The following EPHA5 variants were observed in gnomAD, a reference collection of about 807,000 sequenced individuals.
The protein encoded by EPHA5 is ephrin type-A receptor 5.
A neutral mutation model predicts 105.0 loss-of-function variants in EPHA5; 60 were observed. The observed-to-expected ratio is 0.57, with a 90% confidence interval of 0.46 to 0.71. The LOEUF (loss-of-function observed/expected upper bound fraction) is 0.71, where lower values mean the gene tolerates loss of function less well. Among genes scored for constraint, EPHA5 ranks in the 30% least tolerant of loss-of-function variants. The probability of loss-of-function intolerance (pLI) is 0.00; values close to 1 mark genes in which losing one functional copy is unlikely to be tolerated. For synonymous variants in EPHA5, 513 were observed against 449.1 expected (o/e 1.14, Z -1.80); for missense variants, 1,218 against 1,274.7 (o/e 0.96, Z 0.68).
intron 3 of EPHA5, chr4:65,574,056 A>G (rs536397867): frequency 1.5e-4 from 241 of 1,600,422 alleles, no homozygotes; most frequent in African/African-American, 9.8e-4. Flanking sequence ...TGCCACCTCA[A>G]CCAAAATCGA....
At chr4:65,574,699 C>CACATATATATACAT (rs1553942808) in intron 3 of EPHA5, among the ~76,000 whole-genome samples, 1 of 77,916 alleles carries the variant, frequency 1.3e-5, no homozygotes, top group African/African-American at 4.6e-5. Flanking sequence ...CATATATATA[C>CACATATATATACAT]ATATATATAC....
chr4:65,329,379 C>T lies in EPHA5; in HGVS notation c.2945+2594G>A, dbSNP rs976989502. Among the ~76,000 whole-genome samples the T allele has an allele frequency of 5.9e-5, 9 of 151,348 alleles. No homozygotes were observed. In the East Asian group the frequency reaches 1.8e-3, roughly 29 times the overall value. On this transcript the variant is annotated intron_variant, in intron 16 of 16. Coordinates refer to ENST00000613740, the MANE Select transcript of EPHA5 (RefSeq NM_001281766.3). ...TAGCTATACATGCACGTACTGGCAACAATCCATATACAAGTGAAGTTAAAC... is the reference window on the plus strand; with the variant it reads ...TAGCTATACATGCACGTACTGGCAATAATCCATATACAAGTGAAGTTAAAC...
At chr4:65,585,049 C>T (rs942519083) in intron 3 of EPHA5, among the ~76,000 whole-genome samples, 3 of 151,482 alleles carry the variant, frequency 2.0e-5, no homozygotes, top group East Asian at 1.9e-4. Context: ...TACTTACCAA[C>T]GTGTTATCTT....
chr4:65,388,086 T>A (rs1577985596), intron 8 of EPHA5, among the ~76,000 whole-genome samples: 4 of 150,464 alleles, frequency 2.7e-5, no homozygotes, highest in Admixed American at 2.7e-4. Flanking sequence ...TTTGTCCTTG[T>A]GATAGTTTGC....
intron 1 of EPHA5, among the ~76,000 whole-genome samples, chr4:65,666,497 G>A (rs183507456): frequency 2.9e-4 from 44 of 152,246 alleles, no homozygotes; most frequent in African/African-American, 1.0e-3. Context: ...TCATAGCAGT[G>A]GACATGAACC....
intron 5 of EPHA5, among the ~76,000 whole-genome samples, chr4:65,449,668 T>C (rs541429774): frequency 6.6e-6 from 1 of 152,270 alleles, no homozygotes; most frequent in South Asian, 2.1e-4. Flanking sequence ...ACTCGTGAAG[T>C]TGACCTTTGC....
chr4:65,343,397 G>T lies in EPHA5; in HGVS notation c.2595+4657C>A, dbSNP rs550420105. Among the ~76,000 whole-genome samples the T allele has an allele frequency of 2.5e-4, 38 of 152,228 alleles. No individual in the cohort carries two copies. In the South Asian group the frequency reaches 6.2e-3, roughly 25 times the overall value. Reference sequence around the variant, plus strand: ...CCCAGGACTCCTACTGCTGCATTTTGTCCTCCTGACACAGAGGAAGATCTC... The same window carrying T: ...CCCAGGACTCCTACTGCTGCATTTTTTCCTCCTGACACAGAGGAAGATCTC... On this transcript the variant is annotated intron_variant, in intron 14 of 16. Coordinates refer to ENST00000613740, the MANE Select transcript of EPHA5 (RefSeq NM_001281766.3).
At chr4:65,613,409 A>T (rs1028919506) in intron 2 of EPHA5, among the ~76,000 whole-genome samples, 1 of 152,012 alleles carries the variant, frequency 6.6e-6, no homozygotes, top group African/African-American at 2.4e-5. Context: ...ATTCTGTGAA[A>T]AATAGTGTTG....
At chr4:65,402,985 G>A (rs17086187) in intron 8 of EPHA5, among the ~76,000 whole-genome samples, 169 of 150,776 alleles carry the variant, frequency 1.1e-3, no homozygotes, top group African/African-American at 4.0e-3. Flanking sequence ...GGCTGGGATG[G>A]GCTTAATTGT....
Position 65,670,020 on chromosome 4 carries a change from G to T in EPHA5, c.-278C>A, listed in dbSNP as rs1229040249. The T allele has an allele frequency of 2.5e-6, 1 of 402,384 alleles. No individual in the cohort carries two copies. Among genetic ancestry groups the T allele is most frequent in the Non-Finnish European group, 4.3e-6 (1 of 233,972 alleles). 24.9% of individuals were successfully genotyped at this position (402,384 alleles called of 1,614,324 possible). On this transcript the variant is annotated 5_prime_UTR_variant, in exon 1 of 17. Transcript: ENST00000613740. Reference sequence around the variant, plus strand: ...GGACTCGGATCAAGGGTGTCGAGAGGGTCCTGGGTCCTGTTCCTTTGCCTT... The same window carrying T: ...GGACTCGGATCAAGGGTGTCGAGAGTGTCCTGGGTCCTGTTCCTTTGCCTT...
Position 65,348,659 on chromosome 4 carries a change from G to GGTATAT in EPHA5, c.2446-457_2446-456insATATAC, listed in dbSNP as rs1311162748. Among the ~76,000 whole-genome samples the GGTATAT allele has an allele frequency of 5.6e-4, 34 of 60,198 alleles. 2 individuals are homozygous for GGTATAT. The highest frequency in any genetic ancestry group is 7.3e-4 in the Non-Finnish European group (22 of 30,142). The allele number at this position is 60,198 out of a possible 152,430, so 39.5% of individuals were successfully genotyped here. A position where few individuals can be genotyped will look rare whatever the true frequency, so the allele number is the denominator to read the frequency against. ...TAATAAGAAAAGCATAAACATTGGAGATATATATATATATATATATATATA... is the reference window on the plus strand; with the variant it reads ...TAATAAGAAAAGCATAAACATTGGAGGTATATATATATATATATATATATATATATA... On this transcript the variant is annotated intron_variant, in intron 13 of 16. Coordinates refer to ENST00000613740, the MANE Select transcript of EPHA5 (RefSeq NM_001281766.3).
intron 3 of EPHA5, among the ~76,000 whole-genome samples, chr4:65,512,465 T>G (rs1016669688): frequency 6.6e-6 from 1 of 152,066 alleles, no homozygotes; most frequent in Non-Finnish European, 1.5e-5. Context: ...GTTGCATCCT[T>G]CATGAATGGT....
chr4:65,459,468 C>T (rs919707230), intron 5 of EPHA5, among the ~76,000 whole-genome samples: 2 of 151,726 alleles, frequency 1.3e-5, no homozygotes, highest in Admixed American at 6.6e-5. Context: ...TAAATACTTT[C>T]ATTTACTATT....
chr4:65,339,842 G>A (rs1721537666), intron 14 of EPHA5, among the ~76,000 whole-genome samples: 1 of 152,018 alleles, frequency 6.6e-6, no homozygotes, highest in African/African-American at 2.4e-5. Flanking sequence ...TTAATCTAAA[G>A]GGCATTGTAT....
chr4:65,441,703 A>G (rs543575676), intron 5 of EPHA5, among the ~76,000 whole-genome samples: 2 of 152,260 alleles, frequency 1.3e-5, no homozygotes, highest in African/African-American at 2.4e-5. Context: ...TAAAAGAACT[A>G]CTGACTCGCA....
chr4:65,415,146 A>C (rs1378187487), intron 6 of EPHA5, among the ~76,000 whole-genome samples: 1 of 152,164 alleles, frequency 6.6e-6, no homozygotes, highest in African/African-American at 2.4e-5. Context: ...GATGCCAACA[A>C]AAGTTTAGAC....
chr4:65,461,841 A>C (rs898047078), intron 5 of EPHA5, among the ~76,000 whole-genome samples: 10 of 152,034 alleles, frequency 6.6e-5, no homozygotes, highest in Non-Finnish European at 1.3e-4. Context: ...TGAAATATAA[A>C]AAGGAGAAAA....
rs762605425 is a variant in EPHA5, at chr4:65,669,583, G to A, written c.160C>T (p.Leu54=). Residue 54 remains leucine, a synonymous_variant, in exon 1 of 17, where the codon CTG becomes TTG. Coordinates refer to ENST00000613740, the MANE Select transcript of EPHA5 (RefSeq NM_001281766.3). ...LLLCAALRTL[L]ASPSNEVNLL... Reference sequence around the variant, plus strand: ...CTACCTTCGTTGCTGGGGCTGGCCAGGAGGGTCCGGAGTGCGGCGCACAGG... The same window carrying A: ...CTACCTTCGTTGCTGGGGCTGGCCAAGAGGGTCCGGAGTGCGGCGCACAGG... The A allele has an allele frequency of 6.3e-6, 9 of 1,428,466 alleles. No homozygotes were observed. Among genetic ancestry groups the A allele is most frequent in the South Asian group, 1.6e-5 (1 of 60,644 alleles). The allele number at this position is 1,428,466 out of a possible 1,614,324, so 88.5% of individuals were successfully genotyped here.
intron 8 of EPHA5, among the ~76,000 whole-genome samples, chr4:65,392,460 T>C (rs887118661): frequency 3.3e-5 from 5 of 152,128 alleles, no homozygotes; most frequent in Non-Finnish European, 1.5e-5. Flanking sequence ...ATTTTTCTTA[T>C]TAGAACTTAT....
Sources: gnomAD v4.1 joint callset for allele counts (sites outside exome capture counted in the v4.1 genomes callset) on GRCh38, gnomAD v4.1.1 for gene constraint, MANE v1.5 for transcripts, NCBI Gene and HGNC (gene_info 2026-07-23, HGNC 2026-07-21) for gene names.